Variants in LRRC75A observed in about 807,000 individuals in gnomAD.
LRRC75A encodes leucine-rich repeat-containing protein 75A.
Under a neutral mutation model 26.0 loss-of-function variants are expected in LRRC75A, and 12 were observed. That is an observed-to-expected ratio of 0.46 (90% CI 0.30 to 0.75). LRRC75A has a LOEUF of 0.75. Ranked by LOEUF, LRRC75A falls within the 30% of genes least tolerant of loss-of-function variation. LRRC75A has a pLI of 0.08. For missense variants in LRRC75A, 410 were observed against 486.6 expected (o/e 0.84, Z 1.48); for synonymous variants, 223 against 219.3 (o/e 1.02, Z -0.15).
chr17:16,457,806 G>GA lies in LRRC75A; in HGVS notation c.375+4451dup, dbSNP rs35875846. 7.4e-5 allele frequency among the ~76,000 whole-genome samples: 11 copies of GA among 148,202 alleles called. No homozygotes were observed. In the East Asian group the frequency reaches 8.0e-4, roughly 11 times the overall value. Reference sequence around the variant, plus strand: ...CATAGTGAGTGCCCCGTCTCTACAAGAAAAAAAAAAACAAAAAATTAGCTA... The same window carrying GA: ...CATAGTGAGTGCCCCGTCTCTACAAGAAAAAAAAAAAACAAAAAATTAGCTA... On this transcript the variant is annotated intron_variant, in intron 2 of 3. Transcript: ENST00000470794.
intron 1 of LRRC75A, among the ~76,000 whole-genome samples, chr17:16,480,681 C>T (rs925077135): frequency 1.3e-5 from 2 of 149,606 alleles, no homozygotes; most frequent in Non-Finnish European, 3.0e-5. Flanking sequence ...AGGGAATACA[C>T]TCAAGGTAAC....
intron 1 of LRRC75A, among the ~76,000 whole-genome samples, chr17:16,478,854 A>T (rs2093827092): frequency 6.6e-6 from 1 of 152,236 alleles, no homozygotes; most frequent in Non-Finnish European, 1.5e-5. Flanking sequence ...ATAAGTCTGC[A>T]GCTGAGAATC....
chr17:16,460,713 CTT>C (rs1354975300), intron 2 of LRRC75A, among the ~76,000 whole-genome samples: 7 of 152,226 alleles, frequency 4.6e-5, no homozygotes. Flanking sequence ...TTTTGTTTTC[CTT>C]AACTCAAAGA....
intron 2 of LRRC75A, among the ~76,000 whole-genome samples, chr17:16,456,800 G>A (rs1482700225): frequency 1.3e-5 from 2 of 152,228 alleles, no homozygotes; most frequent in African/African-American, 2.4e-5. Context: ...GAGCCAGCCC[G>A]CCTGGGCTTC....
intron 2 of LRRC75A, 182 bp from the exon 3 acceptor site, chr17:16,448,142 G>C: frequency 1.6e-6 from 1 of 627,710 alleles, no homozygotes; most frequent in South Asian, 1.6e-5. Context: ...AGATCTGCAG[G>C]ATGGTTTTAG....
intron 1 of LRRC75A, among the ~76,000 whole-genome samples, chr17:16,471,184 C>A (rs140451748): frequency 6.6e-6 from 1 of 152,290 alleles, no homozygotes; most frequent in Non-Finnish European, 1.5e-5. Context: ...ACAGAGAAGG[C>A]AGCAATGTGA....
At chr17:16,456,115 G>C (rs1482737757) in intron 2 of LRRC75A, among the ~76,000 whole-genome samples, 4 of 147,836 alleles carry the variant, frequency 2.7e-5, no homozygotes, top group Non-Finnish European at 6.0e-5. Context: ...GGGAGGAGGA[G>C]GAGTAGCAGT....
chr17:16,445,158 ATTTTT>A (rs766449990), intron 3 of LRRC75A, among the ~76,000 whole-genome samples: 69 of 69,730 alleles, frequency 9.9e-4, no homozygotes, highest in Middle Eastern at 0.017. Context: ...CATTTTCTGC[ATTTTT>A]TTTTTTTTTT....
intron 1 of LRRC75A, among the ~76,000 whole-genome samples, chr17:16,467,913 C>T (rs534581207): frequency 6.6e-6 from 1 of 152,298 alleles, no homozygotes; most frequent in South Asian, 2.1e-4. Flanking sequence ...AAATCCCTTC[C>T]CTGTATCTTT....
intron 3 of LRRC75A, among the ~76,000 whole-genome samples, chr17:16,447,195 G>C (rs943390058): frequency 6.6e-6 from 1 of 152,084 alleles, no homozygotes; most frequent in African/African-American, 2.4e-5. Context: ...ACAGCCCACA[G>C]GTTCTGTGTC....
intron 2 of LRRC75A, among the ~76,000 whole-genome samples, chr17:16,451,605 G>C (rs2093631213): frequency 7.0e-6 from 1 of 143,150 alleles, no homozygotes; most frequent in Non-Finnish European, 1.5e-5. Flanking sequence ...CTGGGTGACA[G>C]AGTGAGACTC....
intron 1 of LRRC75A, among the ~76,000 whole-genome samples, chr17:16,489,405 G>A (rs1310962112): frequency 6.6e-6 from 1 of 152,198 alleles, no homozygotes; most frequent in Non-Finnish European, 1.5e-5. Context: ...TTTACTGGCT[G>A]TCTTGCTGAG....
At position 16,473,581 on chromosome 17, in the gene LRRC75A, G is replaced by A. The variant is rs1601190968; in HGVS notation, c.247-11195C>T. On this transcript the variant is annotated intron_variant, in intron 1 of 3. Transcript: ENST00000470794. ...CCGAAGTCAGCCAGATGCTGCCAGG[G>A]AGGGCTGCTCTGCAGAGGTCTGAGC... 2.0e-5 allele frequency among the ~76,000 whole-genome samples: 3 copies of A among 152,296 alleles called. No homozygotes were observed. The South Asian group carries it at 6.2e-4, about 32-fold the overall frequency.
At chr17:16,461,808 G>C (rs948176872) in intron 2 of LRRC75A, among the ~76,000 whole-genome samples, 3 of 152,188 alleles carry the variant, frequency 2.0e-5, no homozygotes, top group African/African-American at 7.2e-5. Context: ...GGCTTGGTGG[G>C]TAGAGAGAGG....
chr17:16,456,850 A>G (rs1369151214), intron 2 of LRRC75A, among the ~76,000 whole-genome samples: 2 of 152,212 alleles, frequency 1.3e-5, no homozygotes, highest in African/African-American at 4.8e-5. Context: ...CAGAAGGCTC[A>G]ATGGCTGTGT....
intron 3 of LRRC75A, 123 bp from the exon 4 acceptor site, chr17:16,444,254 GT>G: frequency 2.6e-6 from 2 of 769,484 alleles, no homozygotes; most frequent in Non-Finnish European, 4.1e-6. Flanking sequence ...ACACTTGGAT[GT>G]CGGATGCCAC....
chr17:16,453,778 CT>C (rs34415970), intron 2 of LRRC75A, among the ~76,000 whole-genome samples: 15,789 of 152,070 alleles, frequency 0.1, 1,023 homozygotes, highest in Middle Eastern at 0.2. Flanking sequence ...TTTTTCTGCC[CT>C]TCTGCTGCCC....
At chr17:16,467,620 TGCAAAATATCGCAGACTTG>T in intron 1 of LRRC75A, among the ~76,000 whole-genome samples, 3 of 152,332 alleles carry the variant, frequency 2.0e-5, no homozygotes, top group Middle Eastern at 6.8e-3. Context: ...AGAAACTCCC[TGCAAAATATCGCAGACTTG>T]GCTACCCTCT....
At chr17:16,453,344 ACACG>A (rs1021842342) in intron 2 of LRRC75A, among the ~76,000 whole-genome samples, 26 of 141,530 alleles carry the variant, frequency 1.8e-4, no homozygotes, top group Non-Finnish European at 3.2e-4. Context: ...GCACACACGC[ACACG>A]CACACACACA....
Sources: gnomAD v4.1 joint callset for allele counts (sites outside exome capture counted in the v4.1 genomes callset) on GRCh38, gnomAD v4.1.1 for gene constraint, MANE v1.5 for transcripts, NCBI Gene and HGNC (gene_info 2026-07-23, HGNC 2026-07-21) for gene names.